The following TBCD variants were observed in gnomAD, a reference collection of about 807,000 sequenced individuals.
TBCD encodes the protein tubulin folding cofactor D.
A neutral mutation model predicts 169.3 loss-of-function variants in TBCD; 105 were observed. The ratio of observed to expected loss-of-function variants is 0.62; its 90% CI spans 0.53 to 0.73. The LOEUF is 0.73. Among genes scored for constraint, TBCD ranks in the 30% least tolerant of loss-of-function variants. The pLI is 0.00. For missense variants in TBCD, 1,444 were observed against 1,600.1 expected (o/e 0.90, Z 1.66); for synonymous variants, 700 against 643.9 (o/e 1.09, Z -1.32).
chr17:82,892,106 T>TA (rs146779700), intron 16 of TBCD, among the ~76,000 whole-genome samples: 4,900 of 152,164 alleles, frequency 0.032, 270 homozygotes, highest in African/African-American at 0.11. Flanking sequence ...AGCCTGTTGT[T>TA]CCAGCCCTAG....
chr17:82,926,921 T>C, intron 28 of TBCD: 1 of 543,452 alleles, frequency 1.8e-6, no homozygotes, highest in South Asian at 2.2e-5. Context: ...CCGTTCCCTC[T>C]AGTCAGGGTG....
intron 6 of TBCD, among the ~76,000 whole-genome samples, chr17:82,775,407 C>T (rs1268126854): frequency 1.3e-5 from 2 of 152,152 alleles, no homozygotes; most frequent in African/African-American, 4.8e-5. Context: ...TTCTGAGTTT[C>T]CTGTACTTCT....
chr17:82,813,840 CCGCTGGTGGA>C (rs2051648725), intron 12 of TBCD, among the ~76,000 whole-genome samples: 1 of 152,168 alleles, frequency 6.6e-6, no homozygotes, highest in African/African-American at 2.4e-5. Context: ...TCTGAGGAGC[CCGCTGGTGGA>C]CGCTGGTGTC....
chr17:82,814,744 A>C, intron 12 of TBCD, 96 bp from the exon 13 acceptor site: 1 of 1,170,372 alleles, frequency 8.5e-7, no homozygotes, highest in South Asian at 1.3e-5. Flanking sequence ...CAGGCAGAGG[A>C]TATGGACCTG....
Position 82,870,313 on chromosome 17 carries a change from G to T in TBCD, c.1408G>T (p.Val470Leu), listed in dbSNP as rs372560471. The change falls in exon 14 of 39, where the codon GTG becomes TTG. Residue 470 changes from valine (V) to leucine (L), a missense_variant. By Grantham distance (32) the Val-to-Leu change is conservative. Transcript: ENST00000355528. ...CAACGTCAGGGACGCCGCCTGCTAC[G>T]TGTGCTGGGCCTTCGCGCGTGCCTA... ...GTNVRDAACY[V>L]CWAFARAYEP... 5.0e-6 allele frequency: 8 copies of T among 1,613,596 alleles called. No homozygotes were observed. The highest frequency in any genetic ancestry group is 6.8e-6 in the Non-Finnish European group (8 of 1,179,894).
chr17:82,870,175 T>C (rs1439347103), intron 13 of TBCD, 49 bp from the exon 14 acceptor site: 1 of 1,609,280 alleles, frequency 6.2e-7, no homozygotes. Flanking sequence ...GCCTCACGTG[T>C]TGCCCGTGTG....
Position 82,800,252 on chromosome 17 carries a change from C to T in TBCD, c.818-612C>T, listed in dbSNP as rs142344281. Among the ~76,000 whole-genome samples, 757 of 152,288 alleles carry T rather than the reference C, an allele frequency of 5.0e-3. 3 individuals carry two copies. Among genetic ancestry groups the T allele is most frequent in the South Asian group, 0.026 (124 of 4,824 alleles). On this transcript the variant is annotated intron_variant, in intron 8 of 38. Coordinates refer to ENST00000355528, the MANE Select transcript of TBCD (RefSeq NM_005993.5). ...CCTCCTGGCCTCAGCTTGCCCTCGT[C>T]GCAGCACCCGGGCGTCTCCTGCTCG...
chr17:82,822,369 G>A (rs1718788008), intron 13 of TBCD, among the ~76,000 whole-genome samples: 1 of 152,252 alleles, frequency 6.6e-6, no homozygotes, highest in African/African-American at 2.4e-5. Flanking sequence ...GGGCCAACCA[G>A]TGACTTGAAT....
At chr17:82,929,810 A>G in intron 32 of TBCD, 1 of 510,312 alleles carries the variant, frequency 2.0e-6, no homozygotes, top group Non-Finnish European at 3.6e-6. Context: ...TGATGCCTGC[A>G]TGTGGGTACC....
intron 7 of TBCD, among the ~76,000 whole-genome samples, chr17:82,788,787 T>A (rs1231610737): frequency 6.6e-6 from 1 of 152,118 alleles, no homozygotes; most frequent in East Asian, 1.9e-4. Context: ...CCCAGGCCCT[T>A]TGCTGACTCC....
chr17:82,927,831 C>T (rs1042581942), intron 29 of TBCD, 74 bp from the exon 30 acceptor site: 24 of 1,348,678 alleles, frequency 1.8e-5, no homozygotes, highest in African/African-American at 8.6e-5. Flanking sequence ...CACAGGCTGC[C>T]GGCGTGGTGG....
Position 82,922,014 on chromosome 17 carries a change from G to T in TBCD, c.2178+437G>T, listed in dbSNP as rs544339838. Among the ~76,000 whole-genome samples the T allele has an allele frequency of 5.9e-5, 9 of 152,286 alleles. No homozygotes were observed. The East Asian group carries it at 1.7e-3, about 29-fold the overall frequency. Reference sequence around the variant, plus strand: ...TGTGTGGGTGCCAGTGTGTGTGTGTGTCCCCGGCCACCTGCCCTCCCCTCC... The same window carrying T: ...TGTGTGGGTGCCAGTGTGTGTGTGTTTCCCCGGCCACCTGCCCTCCCCTCC... On this transcript the variant is annotated intron_variant, in intron 25 of 38. Coordinates refer to ENST00000355528, the MANE Select transcript of TBCD (RefSeq NM_005993.5). The surrounding 1 kb of genome is among the most constrained non-coding windows in gnomAD (Gnocchi z 4.1).
At position 82,923,557 on chromosome 17, in the gene TBCD, G is replaced by A. The variant is rs373642490; in HGVS notation, c.2179-95G>A. 2 of 1,015,852 alleles carry A rather than the reference G, an allele frequency of 2.0e-6. No individual in the cohort carries two copies. The highest frequency in any genetic ancestry group is 2.2e-5 in the Admixed American group (1 of 44,734). 62.9% of individuals were successfully genotyped at this position (1,015,852 alleles called of 1,614,324 possible). A position where few individuals can be genotyped will look rare whatever the true frequency, so the allele number is the denominator to read the frequency against. ...GGGTGACCACGGTGTCCCTGGTCAG[G>A]TGCTTCTCCGACTTCAGAGTGACCT... On this transcript the variant is annotated intron_variant, in intron 25 of 38. Transcript: ENST00000355528. This position sits in a 1 kb window ranked among gnomAD's most constrained non-coding sequence, Gnocchi z 4.6.
Position 82,772,434 on chromosome 17 carries a change from C to T in TBCD, c.583-18C>T. 1 of 1,613,830 alleles carries T rather than the reference C, an allele frequency of 6.2e-7. No homozygotes were observed. The highest frequency in any genetic ancestry group is 8.5e-7 in the Non-Finnish European group (1 of 1,179,814). ...GTGTGCAGGAGTGACCGTGTCTGTGCTTCACCCTTTCTTGCAGTCCTACTT... is the reference window on the plus strand; with the variant it reads ...GTGTGCAGGAGTGACCGTGTCTGTGTTTCACCCTTTCTTGCAGTCCTACTT... On this transcript the variant is annotated intron_variant, in intron 5 of 38. Transcript: ENST00000355528.
rs528569035 is a variant in TBCD at position 82,899,785 on chromosome 17, G to A, written c.1650-866G>A. ...CTGGTTTTCCCACATCTGTGCCAAC[G>A]CTTGGTATTTACCAGTCTTTTAAAA... On this transcript the variant is annotated intron_variant, in intron 17 of 38. Transcript: ENST00000355528. 2.9e-3 allele frequency among the ~76,000 whole-genome samples: 441 copies of A among 152,272 alleles called. 7 individuals carry two copies. Among genetic ancestry groups the A allele is most frequent in the African/African-American group, 0.01 (429 of 41,550 alleles).
intron 1 of TBCD, among the ~76,000 whole-genome samples, chr17:82,753,302 A>G (rs1362865647): frequency 1.3e-5 from 2 of 151,906 alleles, no homozygotes; most frequent in Non-Finnish European, 2.9e-5. Flanking sequence ...TGGACCTGAT[A>G]CTTGATTGCC....
rs539746810 is a variant in TBCD, at chr17:82,782,750, C to T, written c.771+1029C>T. The stretch of plus-strand genomic sequence containing the variant: ...CTGTCCGCAGCATCGTCTTCCTATC[C>T]GCGGCATTGTCTTCCTATCCGCGGC... On this transcript the variant is annotated intron_variant, in intron 7 of 38. Coordinates refer to ENST00000355528, the MANE Select transcript of TBCD (RefSeq NM_005993.5). The surrounding 1 kb of genome is among the most constrained non-coding windows in gnomAD (Gnocchi z 5.1). Among the ~76,000 whole-genome samples the T allele has an allele frequency of 6.2e-5, 9 of 144,900 alleles. No individual in the cohort carries two copies. The South Asian group carries it at 1.7e-3, about 27-fold the overall frequency.
chr17:82,885,720 GCTTC>G (rs2146280578), intron 15 of TBCD, among the ~76,000 whole-genome samples: 1 of 152,110 alleles, frequency 6.6e-6, no homozygotes, highest in African/African-American at 2.4e-5. Context: ...AAGTACTTAG[GCTTC>G]TATGAACCCT....
At position 82,941,487 on chromosome 17, in the gene TBCD, AC is replaced by A. The variant is rs1471615876; in HGVS notation, c.3564+7del. ...CAGGCCCCAGCTGGTGCCCCAGGTAACCCTGTCACCTTCACAGCATGAGGTG... is the reference window on the plus strand; with the variant it reads ...CAGGCCCCAGCTGGTGCCCCAGGTAACCTGTCACCTTCACAGCATGAGGTG... On this transcript the variant is annotated splice_donor_5th_base_variant and intron_variant, in intron 38 of 38. Coordinates refer to ENST00000355528, the MANE Select transcript of TBCD (RefSeq NM_005993.5). 1 of 1,587,060 alleles carries A rather than the reference AC, an allele frequency of 6.3e-7. No homozygotes were observed. Among genetic ancestry groups the A allele is most frequent in the Non-Finnish European group, 8.6e-7 (1 of 1,167,740 alleles).
Sources: gnomAD v4.1 joint callset for allele counts (sites outside exome capture counted in the v4.1 genomes callset) on GRCh38, gnomAD v4.1.1 for gene constraint, Gnocchi (gnomAD v3.1) non-coding constraint, MANE v1.5 for transcripts, NCBI Gene and HGNC (gene_info 2026-07-23, HGNC 2026-07-21) for gene names.